Variants in STUM observed in about 807,000 individuals in gnomAD.
STUM encodes stum, mechanosensory transduction mediator homolog.
In STUM, 8 loss-of-function variants were observed where a neutral mutation model predicts 15.3. That is an observed-to-expected ratio of 0.52 (90% CI 0.31 to 0.94). The LOEUF (loss-of-function observed/expected upper bound fraction) is 0.94. Among genes scored for constraint, STUM ranks in the 40% least tolerant of loss-of-function variants. STUM has a pLI of 0.05. For missense variants in STUM, 142 were observed against 204.9 expected (o/e 0.69, Z 1.87); for synonymous variants, 78 against 88.7 (o/e 0.88, Z 0.68).
intron 1 of STUM, among the ~76,000 whole-genome samples, chr1:226,559,438 C>T (rs1667501648): frequency 6.6e-6 from 1 of 152,162 alleles, no homozygotes; most frequent in Non-Finnish European, 1.5e-5. Context: ...GGCCTCCCTG[C>T]CTGTCACAGT....
At chr1:226,557,066 AC>A (rs1158926405) in intron 1 of STUM, among the ~76,000 whole-genome samples, 1 of 151,992 alleles carries the variant, frequency 6.6e-6, no homozygotes, top group African/African-American at 2.4e-5. Context: ...GTGCAATAGA[AC>A]TCAAAAAAGG....
At chr1:226,559,501 C>G (rs1261136940) in intron 1 of STUM, among the ~76,000 whole-genome samples, 1 of 152,160 alleles carries the variant, frequency 6.6e-6, no homozygotes, top group Non-Finnish European at 1.5e-5. Context: ...ACTGAACACA[C>G]CGCTGTTAAT....
At position 226,607,641 on chromosome 1, in the gene STUM, G is replaced by A. The variant is rs1668383667; in HGVS notation, c.*5601G>A. ...GCCCCCAATTCCACTCTCCCCTCCT[G>A]ATGCTACCGCAGAGGGCAGAAAGGT... On this transcript the variant is annotated 3_prime_UTR_variant, in exon 4 of 4. Transcript: ENST00000366788. 1 of 152,464 alleles carries A rather than the reference G, an allele frequency of 6.6e-6. No individual in the cohort carries two copies. The highest frequency in any genetic ancestry group is 1.5e-5 in the Non-Finnish European group (1 of 68,258). The allele number at this position is 152,464 out of a possible 1,614,324, so 9.4% of individuals were successfully genotyped here. A position where few individuals can be genotyped will look rare whatever the true frequency, so the allele number is the denominator to read the frequency against.
At chr1:226,577,677 A>G (rs76302007) in intron 1 of STUM, among the ~76,000 whole-genome samples, 3 of 152,302 alleles carry the variant, frequency 2.0e-5, no homozygotes, top group African/African-American at 7.2e-5. Flanking sequence ...AGTAAGGGCA[A>G]CTGAAAGGGA....
rs747648874 is a variant in STUM at position 226,601,913 on chromosome 1, C to T, written c.392-93C>T. On this transcript the variant is annotated intron_variant, in intron 3 of 3. Transcript: ENST00000366788. Reference sequence around the variant, plus strand: ...CATTTACACCTTAGTATAAACAATGCCTCCTGTGTGCATTCTGGGCTAGGG... The same window carrying T: ...CATTTACACCTTAGTATAAACAATGTCTCCTGTGTGCATTCTGGGCTAGGG... 1.4e-4 allele frequency: 147 copies of T among 1,022,094 alleles called. 1 individual carries two copies. The highest frequency in any genetic ancestry group is 2.1e-4 in the Non-Finnish European group (139 of 661,490). 63.3% of individuals were successfully genotyped at this position (1,022,094 alleles called of 1,614,324 possible). A position where few individuals can be genotyped will look rare whatever the true frequency, so the allele number is the denominator to read the frequency against.
chr1:226,562,240 G>C (rs892225747), intron 1 of STUM, among the ~76,000 whole-genome samples: 1 of 152,072 alleles, frequency 6.6e-6, no homozygotes, highest in Non-Finnish European at 1.5e-5. Context: ...AGGCCGAGGT[G>C]GGTGGATCAC....
At chr1:226,576,320 G>A (rs987979029) in intron 1 of STUM, among the ~76,000 whole-genome samples, 1 of 152,208 alleles carries the variant, frequency 6.6e-6, no homozygotes, top group East Asian at 1.9e-4. Context: ...GTATTCTGGG[G>A]TTCCCAGCCA....
rs1339003140 is a variant in STUM, at chr1:226,559,801, G to A, written c.202+10695G>A. ...ATCCTGGCTAACATCGTGAAACCCC[G>A]TCTCTACTAAAAATACAAAAAATTA... On this transcript the variant is annotated intron_variant, in intron 1 of 3. Coordinates refer to ENST00000366788, the MANE Select transcript of STUM (RefSeq NM_001003665.4). Among the ~76,000 whole-genome samples the A allele has an allele frequency of 4.6e-5, 7 of 152,216 alleles. No homozygotes were observed. The South Asian group carries it at 6.2e-4, about 14-fold the overall frequency.
chr1:226,572,177 A>G (rs1667722015), intron 1 of STUM, among the ~76,000 whole-genome samples: 1 of 152,220 alleles, frequency 6.6e-6, no homozygotes, highest in Admixed American at 6.5e-5. Context: ...AGAAACAGGC[A>G]CCATCACCTT....
Position 226,549,038 on chromosome 1 carries a change from C to T in STUM, c.134C>T (p.Ala45Val). 6.3e-7 allele frequency: 1 copy of T among 1,585,776 alleles called. No homozygotes were observed. Among genetic ancestry groups the T allele is most frequent in the Non-Finnish European group, 8.6e-7 (1 of 1,168,730 alleles). ...VREKKGPLRA[A>V]IPYMPFPVAV... ...GAGAAGAAGGGCCCCCTGCGCGCCG[C>T]CATCCCCTACATGCCCTTCCCCGTG... Residue 45 changes from alanine (A) to valine (V), a missense_variant, in exon 1 of 4, where the codon GCC becomes GTC. Physicochemically the swap from Ala to Val is moderately conservative, Grantham distance 64. This residue lies in a region of STUM where 113 missense variants were observed against 134.4 expected (regional missense o/e 0.84). Coordinates refer to ENST00000366788, the MANE Select transcript of STUM (RefSeq NM_001003665.4). This position sits in a 1 kb window ranked among gnomAD's most constrained non-coding sequence, Gnocchi z 6.8.
intron 1 of STUM, among the ~76,000 whole-genome samples, chr1:226,570,222 G>A (rs1463589074): frequency 6.6e-6 from 1 of 152,180 alleles, no homozygotes; most frequent in African/African-American, 2.4e-5. Context: ...GGTTCAAAAT[G>A]TGGCCTTTGG....
intron 1 of STUM, among the ~76,000 whole-genome samples, chr1:226,554,712 A>G (rs570587334): frequency 1.3e-5 from 2 of 152,308 alleles, no homozygotes; most frequent in South Asian, 2.1e-4. Context: ...TTTCCTGTCT[A>G]CTGGCTCATT....
chr1:226,576,065 G>A (rs758521811), intron 1 of STUM, among the ~76,000 whole-genome samples: 12 of 152,246 alleles, frequency 7.9e-5, no homozygotes, highest in Non-Finnish European at 1.5e-4. Context: ...AGCCTCAGAC[G>A]CGGCTCTGTC....
rs762250724 is a variant in STUM, at chr1:226,602,606, C to T, written c.*566C>T. On this transcript the variant is annotated 3_prime_UTR_variant, in exon 4 of 4. Transcript: ENST00000366788. ...TGTGCCCACAGCTGGCCTGAGGCCT[C>T]GGGGAGAAGACCAGTCCCACAGGCG... The T allele has an allele frequency of 2.0e-5, 3 of 152,870 alleles. No individual in the cohort carries two copies. The highest frequency in any genetic ancestry group is 2.1e-4 in the South Asian group (1 of 4,848). 9.5% of individuals were successfully genotyped at this position (152,870 alleles called of 1,614,324 possible).
In STUM at chr1:226,548,898, C is replaced by A; in HGVS notation, c.-7C>A. 2 of 1,367,148 alleles carry A rather than the reference C, an allele frequency of 1.5e-6. No homozygotes were observed. The highest frequency in any genetic ancestry group is 1.9e-6 in the Non-Finnish European group (2 of 1,069,512). The allele number at this position is 1,367,148 out of a possible 1,614,324, so 84.7% of individuals were successfully genotyped here. A position where few individuals can be genotyped will look rare whatever the true frequency, so the allele number is the denominator to read the frequency against. On this transcript the variant is annotated 5_prime_UTR_variant, in exon 1 of 4. Coordinates refer to ENST00000366788, the MANE Select transcript of STUM (RefSeq NM_001003665.4). Reference sequence around the variant, plus strand: ...TGCTGCCCGGCTGCCTGAGAGCGCGCCCGGCCATGGAGCCCTCGCACAAAG... The same window carrying A: ...TGCTGCCCGGCTGCCTGAGAGCGCGACCGGCCATGGAGCCCTCGCACAAAG...
In STUM at chr1:226,608,012, C is replaced by T. The variant is rs900039937; in HGVS notation, c.*5972C>T. 3 of 152,506 alleles carry T rather than the reference C, an allele frequency of 2.0e-5. No individual in the cohort carries two copies. Among genetic ancestry groups the T allele is most frequent in the African/African-American group, 7.2e-5 (3 of 41,454 alleles). The allele number at this position is 152,506 out of a possible 1,614,324, so 9.4% of individuals were successfully genotyped here. On this transcript the variant is annotated 3_prime_UTR_variant, in exon 4 of 4. Transcript: ENST00000366788. The surrounding 1 kb of genome is among the most constrained non-coding windows in gnomAD (Gnocchi z 4.0). ...GCAGCACTTTTTTCCCTCATCACAT[C>T]CCTGACCCCTGCCCAGCCCACATGC...
chr1:226,557,605 A>AAGG (rs1331082637), intron 1 of STUM, among the ~76,000 whole-genome samples: 1 of 152,228 alleles, frequency 6.6e-6, no homozygotes, highest in Admixed American at 6.5e-5. Flanking sequence ...AACAGTGTAC[A>AAGG]AGGGTTCCCC....
At chr1:226,599,411 T>G (rs1668231643) in intron 2 of STUM, among the ~76,000 whole-genome samples, 1 of 152,216 alleles carries the variant, frequency 6.6e-6, no homozygotes, top group African/African-American at 2.4e-5. Flanking sequence ...CCAGCAACCA[T>G]GGAACTTGTG....
At chr1:226,566,221 C>T (rs1040229257) in intron 1 of STUM, among the ~76,000 whole-genome samples, 6 of 152,208 alleles carry the variant, frequency 3.9e-5, no homozygotes, top group East Asian at 3.8e-4. Flanking sequence ...CATCAAAATA[C>T]GCCTATTATG....
Sources: allele counts gnomAD v4.1 joint callset (sites outside exome capture counted in the v4.1 genomes callset), GRCh38; gene constraint gnomAD v4.1.1; regional missense constraint gnomAD v4.1.1; non-coding constraint Gnocchi (gnomAD v3.1); transcripts MANE v1.5; gene names NCBI Gene and HGNC (gene_info 2026-07-23, HGNC 2026-07-21).